The following RNF220 variants were observed in gnomAD, a reference collection of about 807,000 sequenced individuals.
RNF220 encodes the protein ring finger protein 220.
Under a neutral mutation model 67.1 loss-of-function variants are expected in RNF220, and 7 were observed. The ratio of observed to expected loss-of-function variants is 0.10; its 90% CI spans 0.06 to 0.20. The LOEUF is 0.20. Ranked by LOEUF, RNF220 falls within the 10% of genes least tolerant of loss-of-function variation. The probability of loss-of-function intolerance (pLI) is 1.00; values close to 1 mark genes in which losing one functional copy is unlikely to be tolerated. For synonymous variants in RNF220, 270 were observed against 283.2 expected (o/e 0.95, Z 0.47); for missense variants, 565 against 740.3 (o/e 0.76, Z 2.75).
At chr1:44,410,782 C>G (rs1174613872) in intron 1 of RNF220, 1 of 152,188 alleles carries the variant, frequency 6.6e-6, no homozygotes, top group African/African-American at 2.4e-5. Context: ...TTTGGTTATG[C>G]TTTGAGTTTC....
intron 2 of RNF220, among the ~76,000 whole-genome samples, chr1:44,561,404 G>A (rs757444122): frequency 2.0e-5 from 3 of 152,214 alleles, no homozygotes; most frequent in Non-Finnish European, 4.4e-5. Flanking sequence ...CAGCTACTCG[G>A]GAGGCTGAGG....
intron 2 of RNF220, chr1:44,424,073 G>A: frequency 1.0e-6 from 1 of 964,352 alleles, no homozygotes; most frequent in Non-Finnish European, 1.2e-6. Context: ...TGTGCTCGGT[G>A]CTGTTTGCAA....
At chr1:44,481,160 C>T (rs1007109200) in intron 2 of RNF220, among the ~76,000 whole-genome samples, 8 of 152,060 alleles carry the variant, frequency 5.3e-5, no homozygotes, top group African/African-American at 1.2e-4. Flanking sequence ...TGGTGGCATA[C>T]GCCTGTAATC....
chr1:44,477,126 T>C (rs1363794750), intron 2 of RNF220, among the ~76,000 whole-genome samples: 1 of 152,186 alleles, frequency 6.6e-6, no homozygotes, highest in Non-Finnish European at 1.5e-5. Flanking sequence ...GTATGCAAAG[T>C]GTTTCCTAAC....
At chr1:44,476,024 AAAG>A (rs752317740) in intron 2 of RNF220, among the ~76,000 whole-genome samples, 2 of 151,998 alleles carry the variant, frequency 1.3e-5, no homozygotes, top group African/African-American at 2.4e-5. Flanking sequence ...GAAAAAGAAA[AAAG>A]AAAATCAGTT....
chr1:44,527,335 C>G (rs1660454313), intron 2 of RNF220, among the ~76,000 whole-genome samples: 1 of 151,952 alleles, frequency 6.6e-6, no homozygotes, highest in South Asian at 2.1e-4. Context: ...TTTTCTTTCC[C>G]CGTTATCTGT....
chr1:44,590,737 A>G (rs1558071998), intron 2 of RNF220, among the ~76,000 whole-genome samples: 1 of 152,142 alleles, frequency 6.6e-6, no homozygotes, highest in Non-Finnish European at 1.5e-5. Context: ...ACCTTCCACT[A>G]ATTCATTCAT....
rs3738732 is a variant in RNF220 at position 44,650,441 on chromosome 1, G to C, written c.1630-263G>C. On this transcript the variant is annotated intron_variant, in intron 14 of 14. Transcript: ENST00000361799. This position sits in a 1 kb window ranked among gnomAD's most constrained non-coding sequence, Gnocchi z 4.3. Reference sequence around the variant, plus strand: ...CCGCGTGTAATCTCGTTAGGGCTGCGGCTGCCACAGCTGGACCCAGCCTTG... The same window carrying C: ...CCGCGTGTAATCTCGTTAGGGCTGCCGCTGCCACAGCTGGACCCAGCCTTG... 9.1e-6 allele frequency: 5 copies of C among 548,656 alleles called. No individual in the cohort carries two copies. Among genetic ancestry groups the C allele is most frequent in the African/African-American group, 7.6e-5 (4 of 52,734 alleles). The allele number at this position is 548,656 out of a possible 1,614,324, so 34.0% of individuals were successfully genotyped here.
chr1:44,407,767 T>C (rs988001609), intron 1 of RNF220, among the ~76,000 whole-genome samples: 4 of 152,144 alleles, frequency 2.6e-5, no homozygotes, highest in African/African-American at 9.7e-5. Flanking sequence ...GGTCCGTATT[T>C]GCAGGAGAAG....
intron 2 of RNF220, among the ~76,000 whole-genome samples, chr1:44,538,357 T>C (rs987419766): frequency 2.0e-5 from 3 of 152,194 alleles, no homozygotes; most frequent in African/African-American, 7.2e-5. Flanking sequence ...AACGATCCCC[T>C]TGATCCTGTA....
chr1:44,422,371 C>T (rs1191579530), intron 2 of RNF220, among the ~76,000 whole-genome samples: 2 of 152,140 alleles, frequency 1.3e-5, no homozygotes, highest in Non-Finnish European at 2.9e-5. Flanking sequence ...AAAGTCTGGA[C>T]GCATGGGCTT....
At chr1:44,599,916 C>T (rs1237891123) in intron 2 of RNF220, among the ~76,000 whole-genome samples, 1 of 152,044 alleles carries the variant, frequency 6.6e-6, no homozygotes, top group African/African-American at 2.4e-5. Context: ...TAGGAAGATC[C>T]TTGTAACTGT....
rs1016393629 is a variant in RNF220, at chr1:44,621,135, C to T, written c.759-1607C>T. Among the ~76,000 whole-genome samples the T allele has an allele frequency of 1.3e-5, 2 of 152,054 alleles. No homozygotes were observed. Among genetic ancestry groups the T allele is most frequent in the South Asian group, 2.1e-4 (1 of 4,822 alleles). ...TTCACCATGTTGGCCAGGCTGGTCT[C>T]GAACTCCTGACCTCAGGTGATCCAC... On this transcript the variant is annotated intron_variant, in intron 3 of 14. Transcript: ENST00000361799. The surrounding 1 kb of genome is among the most constrained non-coding windows in gnomAD (Gnocchi z 4.8).
At chr1:44,551,338 C>T (rs907446082) in intron 2 of RNF220, among the ~76,000 whole-genome samples, 3 of 152,174 alleles carry the variant, frequency 2.0e-5, no homozygotes, top group Admixed American at 2.0e-4. Flanking sequence ...TGGTCTCGAA[C>T]TCCCGACCTC....
chr1:44,475,034 C>A (rs1250634197), intron 2 of RNF220, among the ~76,000 whole-genome samples: 1 of 151,364 alleles, frequency 6.6e-6, no homozygotes, highest in African/African-American at 2.4e-5. Context: ...ATGGCGAATC[C>A]CTAAAATAAT....
At chr1:44,431,440 C>T (rs113244734) in intron 2 of RNF220, among the ~76,000 whole-genome samples, 16,095 of 148,710 alleles carry the variant, frequency 0.11, 1,054 homozygotes, top group Middle Eastern at 0.26. Flanking sequence ...TGCAGTGAGC[C>T]GAGATCATGC....
intron 8 of RNF220, among the ~76,000 whole-genome samples, chr1:44,641,779 G>A (rs1448443920): frequency 2.6e-5 from 4 of 152,228 alleles, no homozygotes; most frequent in African/African-American, 9.6e-5. Flanking sequence ...TGTGGGGGTA[G>A]GGAGAGGTTC....
chr1:44,553,300 T>A (rs1330887198), intron 2 of RNF220, among the ~76,000 whole-genome samples: 1 of 152,120 alleles, frequency 6.6e-6, no homozygotes, highest in Non-Finnish European at 1.5e-5. Flanking sequence ...TGTTTATTGC[T>A]TGTGGTATCC....
Position 44,645,179 on chromosome 1 carries a change from C to A in RNF220, c.1311-42C>A. On this transcript the variant is annotated intron_variant, in intron 10 of 14. Coordinates refer to ENST00000361799, the MANE Select transcript of RNF220 (RefSeq NM_018150.4). The surrounding 1 kb of genome is among the most constrained non-coding windows in gnomAD (Gnocchi z 5.0). Reference sequence around the variant, plus strand: ...CTGACCCTCAGGGCTGTCCTGCCCGCCTTCAGGCCTCACTTTGTTTTTCCT... The same window carrying A: ...CTGACCCTCAGGGCTGTCCTGCCCGACTTCAGGCCTCACTTTGTTTTTCCT... The A allele has an allele frequency of 1.2e-6, 2 of 1,613,936 alleles. No homozygotes were observed. The highest frequency in any genetic ancestry group is 1.7e-6 in the Non-Finnish European group (2 of 1,179,818).
Sources: gnomAD v4.1 joint callset for allele counts (sites outside exome capture counted in the v4.1 genomes callset) on GRCh38, gnomAD v4.1.1 for gene constraint, Gnocchi (gnomAD v3.1) non-coding constraint, MANE v1.5 for transcripts, NCBI Gene and HGNC (gene_info 2026-07-23, HGNC 2026-07-21) for gene names.